CPT1C: variants seen among roughly 807,000 people sequenced by gnomAD.
CPT1C encodes the protein palmitoyl thioesterase CPT1C.
Under a neutral mutation model 97.3 loss-of-function variants are expected in CPT1C, and 61 were observed. The ratio of observed to expected loss-of-function variants is 0.63; its 90% CI spans 0.51 to 0.78. The LOEUF is 0.78. Among genes scored for constraint, CPT1C ranks in the 30% least tolerant of loss-of-function variants. CPT1C has a pLI of 0.00. For missense variants in CPT1C, 975 were observed against 1,065.5 expected (o/e 0.92, Z 1.18); for synonymous variants, 469 against 447.2 (o/e 1.05, Z -0.61).
chr19:49,703,264 C>CA, intron 7 of CPT1C, among the ~76,000 whole-genome samples: 2 of 151,570 alleles, frequency 1.3e-5, no homozygotes, highest in South Asian at 2.1e-4. Flanking sequence ...GGCTGTAGTG[C>CA]ACTGGCACCG....
Position 49,713,487 on chromosome 19 carries a change from G to A in CPT1C, c.2294G>A (p.Gly765Glu). 1 of 1,614,232 alleles carries A rather than the reference G, an allele frequency of 6.2e-7. No homozygotes were observed. ...GATGTGGCCTCCCTGTTCCAGGCGG[G>A]ACAGCATTTTAAGCGCCGGTTCAGA... ...LLDVASLFQA[G>E]QHFKRRFRGS... Residue 765 changes from glycine to glutamate, a missense_variant, in exon 20 of 20, where the codon GGA becomes GAA. This residue lies in a region of CPT1C where 344 missense variants were observed against 395.7 expected (regional missense o/e 0.87). Coordinates refer to ENST00000598293, the MANE Select transcript of CPT1C (RefSeq NM_001199753.2).
At chr19:49,693,229 A>G (rs2082453657) in intron 3 of CPT1C, among the ~76,000 whole-genome samples, 1 of 152,116 alleles carries the variant, frequency 6.6e-6, no homozygotes, top group African/African-American at 2.4e-5. Flanking sequence ...ATGTGTAACC[A>G]GCACCCATGT....
intron 14 of CPT1C, among the ~76,000 whole-genome samples, chr19:49,709,462 C>T (rs1279997662): frequency 6.6e-6 from 1 of 151,804 alleles, no homozygotes; most frequent in Non-Finnish European, 1.5e-5. Context: ...CCAAACCACT[C>T]TCAGTCCCTC....
At chr19:49,708,239 C>T (rs1301357206) in intron 13 of CPT1C, among the ~76,000 whole-genome samples, 1 of 151,838 alleles carries the variant, frequency 6.6e-6, no homozygotes, top group East Asian at 1.9e-4. Flanking sequence ...AATCCCAGCA[C>T]TTTGGGAGGT....
At chr19:49,704,138 A>G (rs2083368534) in intron 7 of CPT1C, among the ~76,000 whole-genome samples, 1 of 152,122 alleles carries the variant, frequency 6.6e-6, no homozygotes, top group Admixed American at 6.6e-5. Context: ...TATTTCACAT[A>G]TTTATTGTTT....
intron 12 of CPT1C, 142 bp from the exon 13 acceptor site, chr19:49,707,376 A>G (rs960798384): frequency 7.8e-6 from 5 of 638,702 alleles, no homozygotes; most frequent in African/African-American, 7.5e-5. Context: ...GGGACCCCCA[A>G]TGGTCCTAGA....
In CPT1C at chr19:49,706,907, G is replaced by A. The variant is rs1446577435; in HGVS notation, c.1343+494G>A. Among the ~76,000 whole-genome samples the A allele has an allele frequency of 6.6e-6, 1 of 152,106 alleles. No homozygotes were observed. Among genetic ancestry groups the A allele is most frequent in the Non-Finnish European group, 1.5e-5 (1 of 68,014 alleles). ...CTGGCAGGCATCACTGAATTCCTAG[G>A]CCCCAGGGGGGTCCCGCTGACCTCC... On this transcript the variant is annotated intron_variant, in intron 12 of 19. Coordinates refer to ENST00000598293, the MANE Select transcript of CPT1C (RefSeq NM_001199753.2). The surrounding 1 kb of genome is among the most constrained non-coding windows in gnomAD (Gnocchi z 4.8).
At chr19:49,708,204 G>C (rs2083626464) in intron 13 of CPT1C, among the ~76,000 whole-genome samples, 1 of 151,822 alleles carries the variant, frequency 6.6e-6, no homozygotes, top group Admixed American at 6.6e-5. Flanking sequence ...ATGACTCCAG[G>C]CTGGGTGCAG....
chr19:49,707,832 C>T (rs1382510015), intron 13 of CPT1C, among the ~76,000 whole-genome samples: 1 of 151,516 alleles, frequency 6.6e-6, no homozygotes, highest in Non-Finnish European at 1.5e-5. Context: ...GAAACCCTGC[C>T]TCTACTAAAA....
intron 6 of CPT1C, 39 bp from the exon 7 acceptor site, chr19:49,701,458 G>T (rs1487908117): frequency 1.9e-6 from 3 of 1,589,772 alleles, no homozygotes; most frequent in East Asian, 2.3e-5. Flanking sequence ...GGCGGCCGGG[G>T]CGGGCCGGGG....
intron 4 of CPT1C, among the ~76,000 whole-genome samples, chr19:49,700,022 C>T (rs535477261): frequency 2.7e-5 from 4 of 150,882 alleles, no homozygotes; most frequent in East Asian, 2.0e-4. Flanking sequence ...CCAAGGCAGG[C>T]GGATCACGAG....
At chr19:49,694,485 C>A (rs557963844) in intron 3 of CPT1C, among the ~76,000 whole-genome samples, 1 of 151,708 alleles carries the variant, frequency 6.6e-6, no homozygotes, top group Admixed American at 6.6e-5. Context: ...AAAAATTAGC[C>A]GGGTGTGGTG....
chr19:49,702,084 T>TATATTTATTTATAAATTATAAATAA (rs1568521587), intron 7 of CPT1C, among the ~76,000 whole-genome samples: 2 of 108,764 alleles, frequency 1.8e-5, no homozygotes, highest in Non-Finnish European at 3.6e-5. Flanking sequence ...ATTATAAATA[T>TATATTTATTTATAAATTATAAATAA]ATATTTATTT....
chr19:49,700,179 G>A (rs1475233561), intron 4 of CPT1C, among the ~76,000 whole-genome samples: 5 of 151,474 alleles, frequency 3.3e-5, no homozygotes, highest in Non-Finnish European at 5.9e-5. Flanking sequence ...CCCAGGAGGC[G>A]GAGCTTGCAG....
intron 16 of CPT1C, chr19:49,711,526 G>A (rs1178419479): frequency 2.2e-6 from 1 of 463,376 alleles, no homozygotes; most frequent in African/African-American, 2.0e-5. Flanking sequence ...CTTCTCCCTT[G>A]CCCTACACCT....
Position 49,700,693 on chromosome 19 carries a change from A to T in CPT1C, c.291A>T (p.Gln97His). 6.2e-7 allele frequency: 1 copy of T among 1,608,866 alleles called. No individual in the cohort carries two copies. Among genetic ancestry groups the T allele is most frequent in the Non-Finnish European group, 8.5e-7 (1 of 1,179,984 alleles). ...GTTTCTCTCCCCGCAGGGGTGGACA[A>T]CACCACGGGCTCCGGGGGGTCCTGG... ...IKELLPDWGG[Q>H]HHGLRGVLAA... is the part of the protein sequence containing the mutation. Residue 97 changes from glutamine to histidine, a missense_variant, in exon 5 of 20, where the codon CAA (glutamine) becomes CAT (histidine). Physicochemically the swap from Gln to His is conservative, Grantham distance 24. Coordinates refer to ENST00000598293, the MANE Select transcript of CPT1C (RefSeq NM_001199753.2).
chr19:49,708,019 A>G (rs1365190708), intron 13 of CPT1C, among the ~76,000 whole-genome samples: 4 of 150,776 alleles, frequency 2.7e-5, no homozygotes, highest in African/African-American at 7.3e-5. Flanking sequence ...AAAAAAAAAA[A>G]AAAAAAAAGA....
At chr19:49,696,898 T>C (rs2082707360) in intron 3 of CPT1C, among the ~76,000 whole-genome samples, 1 of 152,032 alleles carries the variant, frequency 6.6e-6, no homozygotes, top group Admixed American at 6.6e-5. Flanking sequence ...TCCCAAAGTG[T>C]TGGGATTACA....
chr19:49,700,726 G>A lies in CPT1C; in HGVS notation c.324G>A (p.Ala108=), dbSNP rs773924303. ...HHGLRGVLAA[A]LFASCLWGAL... ...GGCTCCGGGGGGTCCTGGCAGCCGCGCTGTTTGCCTCGTGTTTGTGGGGAG... is the reference window on the plus strand; with the variant it reads ...GGCTCCGGGGGGTCCTGGCAGCCGCACTGTTTGCCTCGTGTTTGTGGGGAG... The change falls in exon 5 of 20, where the codon GCG becomes GCA. Residue 108 remains alanine (A), a synonymous_variant. Coordinates refer to ENST00000598293, the MANE Select transcript of CPT1C (RefSeq NM_001199753.2). The A allele has an allele frequency of 2.5e-6, 4 of 1,611,982 alleles. No homozygotes were observed. The highest frequency in any genetic ancestry group is 3.3e-5 in the Admixed American group (2 of 60,022).
Sources: gnomAD v4.1 joint callset for allele counts (sites outside exome capture counted in the v4.1 genomes callset) on GRCh38, gnomAD v4.1.1 for gene constraint, gnomAD v4.1.1 regional missense constraint, Gnocchi (gnomAD v3.1) non-coding constraint, MANE v1.5 for transcripts, NCBI Gene and HGNC (gene_info 2026-07-23, HGNC 2026-07-21) for gene names.